The following TES variants were observed in gnomAD, a reference collection of about 807,000 sequenced individuals.
TES encodes testin LIM domain protein.
In TES, 41 loss-of-function variants were observed where a neutral mutation model predicts 48.2. That is an observed-to-expected ratio of 0.85 (90% CI 0.66 to 1.10). The LOEUF is 1.10. Ranked by LOEUF, TES falls within the 50% of genes least tolerant of loss-of-function variation. The probability of loss-of-function intolerance (pLI) is 0.00; values close to 1 mark genes in which losing one functional copy is unlikely to be tolerated. For missense variants in TES, 463 were observed against 515.1 expected, an observed-to-expected ratio of 0.90 and a Z score of 0.98; for synonymous variants, 162 against 174.9, an observed-to-expected ratio of 0.93 and a Z score of 0.58.
chr7:116,252,090 G>C, intron 5 of TES, 115 bp downstream of exon 5: 1 of 1,162,386 alleles, frequency 8.6e-7, no homozygotes, highest in Non-Finnish European at 1.2e-6. Flanking sequence ...TACATCCAAA[G>C]AAGTTTTAAA....
Position 116,248,602 on chromosome 7 carries a change from G to T in TES, c.114-418G>T, listed in dbSNP as rs572868127. ...GTATATCTTCTTTTGAGAAATATCT[G>T]TTCATGTCCTTTGCCCATTTTTTAA... On this transcript the variant is annotated intron_variant, in intron 2 of 6. Transcript: ENST00000358204. Among the ~76,000 whole-genome samples the T allele has an allele frequency of 2.6e-5, 4 of 152,184 alleles. No individual in the cohort carries two copies. In the South Asian group the frequency reaches 8.3e-4, roughly 32 times the overall value.
In TES at chr7:116,250,376, TC is replaced by T. The variant is rs1563014525; in HGVS notation, c.585del (p.Cys196ValfsTer11). ...CTCTGGGAGTAGGAGATGTCAAACT[TC>T]CCTGTGAGATGGATGCCCAAGGCCC... is the stretch of plus-strand genomic sequence containing the variant. ...EALGVGDVKLPCEMDAQGPKQ... is the reference protein window; with the variant it reads ...EALGVGDVKLXCEMDAQGPKQ... On this transcript the variant is annotated frameshift_variant, in exon 4 of 7. Transcript: ENST00000358204. LOFTEE classifies it high-confidence loss of function. 2 of 1,613,986 alleles carry T rather than the reference TC, an allele frequency of 1.2e-6. No homozygotes were observed. The highest frequency in any genetic ancestry group is 1.1e-5 in the South Asian group (1 of 91,032).
At chr7:116,216,106 C>T (rs565945838) in intron 1 of TES, among the ~76,000 whole-genome samples, 50 of 152,054 alleles carry the variant, frequency 3.3e-4, no homozygotes, top group Non-Finnish European at 6.8e-4. Context: ...CACGAGTTAC[C>T]AAGAGGGGCT....
At chr7:116,222,271 A>G (rs1419321533) in intron 1 of TES, among the ~76,000 whole-genome samples, 2 of 152,166 alleles carry the variant, frequency 1.3e-5, no homozygotes, top group Non-Finnish European at 2.9e-5. Context: ...GAGAAAAACG[A>G]GAAGACTGTC....
At chr7:116,242,858 C>G (rs1172435362) in intron 2 of TES, among the ~76,000 whole-genome samples, 1 of 152,046 alleles carries the variant, frequency 6.6e-6, no homozygotes, top group Non-Finnish European at 1.5e-5. Flanking sequence ...TGTAACTTTT[C>G]ACACTGCTCT....
intron 1 of TES, among the ~76,000 whole-genome samples, chr7:116,215,660 A>G (rs958084020): frequency 2.8e-4 from 43 of 152,184 alleles, no homozygotes; most frequent in Admixed American, 2.2e-3. Context: ...AAATGGCCCT[A>G]GGTAACAGTG....
At chr7:116,255,052 AAAC>A (rs1228976877) in intron 6 of TES, 1 of 151,754 alleles carries the variant, frequency 6.6e-6, no homozygotes, top group African/African-American at 2.4e-5. Flanking sequence ...GCTCAACTCC[AAAC>A]AACATTTCTG....
intron 1 of TES, among the ~76,000 whole-genome samples, chr7:116,227,091 TA>T (rs869203894): frequency 7.9e-4 from 3 of 3,816 alleles, no homozygotes; most frequent in African/African-American, 2.4e-3. Context: ...CTTTTTATTT[TA>T]TTTATTTATT....
intron 2 of TES, among the ~76,000 whole-genome samples, chr7:116,235,724 C>CTTGT (rs1214487591): frequency 6.6e-6 from 1 of 152,106 alleles, no homozygotes; most frequent in Non-Finnish European, 1.5e-5. Context: ...TGGCAGCTAC[C>CTTGT]TTGTTAGGAT....
chr7:116,231,077 C>T (rs554375278), intron 1 of TES, among the ~76,000 whole-genome samples: 27 of 152,278 alleles, frequency 1.8e-4, no homozygotes, highest in Admixed American at 5.2e-4. Context: ...CCATTTGACA[C>T]GCTAGTCCTC....
In TES at chr7:116,248,737, G is replaced by T. The variant is rs576811762; in HGVS notation, c.114-283G>T. Among the ~76,000 whole-genome samples, 7 of 152,092 alleles carry T rather than the reference G, an allele frequency of 4.6e-5. No individual in the cohort carries two copies. In the South Asian group the frequency reaches 1.2e-3, roughly 27 times the overall value. On this transcript the variant is annotated intron_variant, in intron 2 of 6. Coordinates refer to ENST00000358204, the MANE Select transcript of TES (RefSeq NM_015641.4). ...CTTCCATTCTATAGGTTGTCTGTTTGTCCTGTTGCCAGTTTCTTTTGCTTT... is the reference window on the plus strand; with the variant it reads ...CTTCCATTCTATAGGTTGTCTGTTTTTCCTGTTGCCAGTTTCTTTTGCTTT...
chr7:116,240,369 G>A (rs1299348077), intron 2 of TES, among the ~76,000 whole-genome samples: 1 of 151,916 alleles, frequency 6.6e-6, no homozygotes, highest in Admixed American at 6.6e-5. Context: ...ATTTTTTTCA[G>A]CTTGAAAATG....
chr7:116,227,233 C>T (rs1799634465), intron 1 of TES, among the ~76,000 whole-genome samples: 2 of 151,924 alleles, frequency 1.3e-5, no homozygotes, highest in Middle Eastern at 3.4e-3. Context: ...TCTCCTGCCT[C>T]AGCCTCCCGA....
chr7:116,242,488 A>G (rs1332489805), intron 2 of TES, among the ~76,000 whole-genome samples: 4 of 150,534 alleles, frequency 2.7e-5, no homozygotes, highest in African/African-American at 2.4e-5. Flanking sequence ...AAGGAAAGCA[A>G]TTTGCCTCTT....
intron 4 of TES, 98 bp downstream of exon 4, chr7:116,250,594 C>A: frequency 1.1e-6 from 1 of 902,910 alleles, no homozygotes; most frequent in Non-Finnish European, 1.6e-6. Flanking sequence ...TCTGAGTTTC[C>A]AAAAGGGAAT....
chr7:116,254,023 G>A (rs1289272186), intron 6 of TES, among the ~76,000 whole-genome samples: 2 of 151,834 alleles, frequency 1.3e-5, no homozygotes, highest in African/African-American at 4.8e-5. Flanking sequence ...TTCTCGCTTT[G>A]GGGTTACCAT....
At position 116,251,818 on chromosome 7, in the gene TES, G is replaced by A. The variant is rs369264520; in HGVS notation, c.761G>A (p.Arg254Lys). ...KEGDPAIYAERAGYDKLWHPA... is the reference protein window; with the variant it reads ...KEGDPAIYAEKAGYDKLWHPA... ...GGTGACCCAGCCATCTATGCCGAAA[G>A]GGCTGGCTATGATAAACTGTGGCAC... is the stretch of plus-strand genomic sequence containing the variant. Residue 254 changes from arginine (R) to lysine (K), a missense_variant, in exon 5 of 7, where the codon AGG becomes AAG. Arg to Lys is a conservative substitution (Grantham distance 26). Coordinates refer to ENST00000358204, the MANE Select transcript of TES (RefSeq NM_015641.4). 24 of 1,614,078 alleles carry A rather than the reference G, an allele frequency of 1.5e-5. No individual in the cohort carries two copies. Among genetic ancestry groups the A allele is most frequent in the Non-Finnish European group, 3.4e-6 (4 of 1,180,034 alleles).
Position 116,222,060 on chromosome 7 carries a change from A to T in TES, c.27+11326A>T, listed in dbSNP as rs544993448. On this transcript the variant is annotated intron_variant, in intron 1 of 6. Transcript: ENST00000358204. ...GGCTCTTTGATTTATGCAGCACAAC[A>T]TATCAATAAACAGAATTCTTTTTTT... 1.1e-4 allele frequency among the ~76,000 whole-genome samples: 16 copies of T among 152,306 alleles called. 1 individual carries two copies. In the South Asian group the frequency reaches 3.3e-3, roughly 32 times the overall value.
At chr7:116,235,587 A>C (rs1449702895) in intron 2 of TES, among the ~76,000 whole-genome samples, 1 of 152,216 alleles carries the variant, frequency 6.6e-6, no homozygotes, top group African/African-American at 2.4e-5. Flanking sequence ...ATATCATATA[A>C]ATCTAAAATC....
Sources: gnomAD v4.1 joint callset for allele counts (sites outside exome capture counted in the v4.1 genomes callset) on GRCh38, gnomAD v4.1.1 for gene constraint, MANE v1.5 for transcripts, NCBI Gene and HGNC (gene_info 2026-07-23, HGNC 2026-07-21) for gene names.